HIVEP3: variants seen among roughly 807,000 people sequenced by gnomAD.
HIVEP3 encodes HIVEP zinc finger 3.
Under a neutral mutation model 152.8 loss-of-function variants are expected in HIVEP3, and 49 were observed. The ratio of observed to expected loss-of-function variants is 0.32; its 90% CI spans 0.26 to 0.41. HIVEP3 has a LOEUF of 0.41. Ranked by LOEUF, HIVEP3 falls within the 10% of genes least tolerant of loss-of-function variation. The pLI is 1.00. For synonymous variants in HIVEP3, 1,269 were observed against 1,289.0 expected (o/e 0.98, Z 0.33); for missense variants, 2,790 against 3,103.3 (o/e 0.90, Z 2.40).
At chr1:41,598,376 C>T (rs943296603) in intron 3 of HIVEP3, among the ~76,000 whole-genome samples, 4 of 152,182 alleles carry the variant, frequency 2.6e-5, no homozygotes, top group Non-Finnish European at 5.9e-5. Flanking sequence ...CTTGTGTCTA[C>T]TATGGAGAGC....
At chr1:42,007,352 T>G (rs1238118054) in intron 1 of HIVEP3, among the ~76,000 whole-genome samples, 1 of 152,232 alleles carries the variant, frequency 6.6e-6, no homozygotes. Flanking sequence ...TAAGACATTT[T>G]TGTTCGGTTG....
At chr1:42,005,526 G>C (rs1645454349) in intron 1 of HIVEP3, among the ~76,000 whole-genome samples, 1 of 152,106 alleles carries the variant, frequency 6.6e-6, no homozygotes, top group South Asian at 2.1e-4. Context: ...CATTTATTTT[G>C]TAAAGGCTCA....
chr1:41,598,365 T>A (rs1448801011), intron 3 of HIVEP3, among the ~76,000 whole-genome samples: 3 of 152,230 alleles, frequency 2.0e-5, no homozygotes, highest in Non-Finnish European at 4.4e-5. Context: ...TAGTTAAGGT[T>A]CTTGTGTCTA....
At chr1:41,758,709 C>A (rs969917662) in intron 1 of HIVEP3, among the ~76,000 whole-genome samples, 1 of 152,190 alleles carries the variant, frequency 6.6e-6, no homozygotes, top group African/African-American at 2.4e-5. Context: ...AAAGCCAAAA[C>A]AGCATCATGT....
intron 1 of HIVEP3, among the ~76,000 whole-genome samples, chr1:41,805,410 T>A (rs1650543776): frequency 6.6e-6 from 1 of 152,242 alleles, no homozygotes; most frequent in African/African-American, 2.4e-5. Flanking sequence ...CCACTTGGCC[T>A]GAGGCCTTTA....
intron 3 of HIVEP3, among the ~76,000 whole-genome samples, chr1:41,597,477 G>T (rs1055150983): frequency 1.3e-5 from 2 of 152,200 alleles, no homozygotes; most frequent in African/African-American, 4.8e-5. Context: ...GCTGTTCTTA[G>T]TATGTTACGC....
At chr1:41,746,471 A>G (rs1210022493) in intron 1 of HIVEP3, among the ~76,000 whole-genome samples, 1 of 152,192 alleles carries the variant, frequency 6.6e-6, no homozygotes, top group Non-Finnish European at 1.5e-5. Context: ...CCTTCCAATA[A>G]GAAGAATCTA....
rs111578293 is a variant in HIVEP3 at position 41,575,700 on chromosome 1, G to A, written c.5062-11C>T. 309 of 1,612,546 alleles carry A rather than the reference G, an allele frequency of 1.9e-4. No homozygotes were observed. Among genetic ancestry groups the A allele is most frequent in the African/African-American group, 6.9e-4 (52 of 74,978 alleles). Reference sequence around the variant, plus strand: ...TGAAGGGAGGTGAACCTGGCCCACCGCAGGAATGACAAAATCATTGCTGGT... The same window carrying A: ...TGAAGGGAGGTGAACCTGGCCCACCACAGGAATGACAAAATCATTGCTGGT... On this transcript the variant is annotated splice_polypyrimidine_tract_variant and intron_variant, in intron 4 of 8. Coordinates refer to ENST00000372583, the MANE Select transcript of HIVEP3 (RefSeq NM_024503.5).
chr1:41,564,370 G>A (rs1392018586), intron 5 of HIVEP3, among the ~76,000 whole-genome samples: 1 of 152,214 alleles, frequency 6.6e-6, no homozygotes, highest in African/African-American at 2.4e-5. Context: ...GTTCCAGAGA[G>A]AGAGAAGAAA....
chr1:41,867,885 C>T (rs958079131), intron 1 of HIVEP3, among the ~76,000 whole-genome samples: 1 of 152,162 alleles, frequency 6.6e-6, no homozygotes, highest in South Asian at 2.1e-4. Context: ...TAGAACACAG[C>T]CACAGCCTCC....
intron 5 of HIVEP3, among the ~76,000 whole-genome samples, chr1:41,549,942 C>A (rs1569868210): frequency 2.0e-5 from 3 of 152,272 alleles, no homozygotes; most frequent in African/African-American, 7.2e-5. Context: ...GACATGAAGT[C>A]CTTGCCCATG....
chr1:41,663,749 T>C (rs759342242), intron 2 of HIVEP3, among the ~76,000 whole-genome samples: 9 of 152,276 alleles, frequency 5.9e-5, no homozygotes, highest in Middle Eastern at 3.4e-3. Flanking sequence ...GCAGGTGTGA[T>C]TGCAGCTGGA....
chr1:41,786,559 C>G (rs1191753738), intron 1 of HIVEP3, among the ~76,000 whole-genome samples: 2 of 152,130 alleles, frequency 1.3e-5, no homozygotes, highest in Non-Finnish European at 2.9e-5. Context: ...GCAGATACAC[C>G]CATTCATTTA....
At chr1:41,563,817 C>T (rs982876637) in intron 5 of HIVEP3, among the ~76,000 whole-genome samples, 13 of 152,080 alleles carry the variant, frequency 8.5e-5, no homozygotes, top group Non-Finnish European at 1.3e-4. Context: ...TTAATAACAA[C>T]TAACGTTAAT....
chr1:41,917,911 G>C (rs1303948759), intron 1 of HIVEP3, among the ~76,000 whole-genome samples: 1 of 152,190 alleles, frequency 6.6e-6, no homozygotes, highest in Non-Finnish European at 1.5e-5. Context: ...TCTCAACCAA[G>C]CAGGCTACTG....
chr1:41,524,726 C>G lies in HIVEP3; in HGVS notation c.5383+9G>C, dbSNP rs1360024982. The stretch of plus-strand genomic sequence containing the variant: ...GGCAGGGGCAGTGCCCCAGCTGACT[C>G]TCTCTTACCTTTGGTTTTAAAAGCA... On this transcript the variant is annotated intron_variant, in intron 6 of 8. Coordinates refer to ENST00000372583, the MANE Select transcript of HIVEP3 (RefSeq NM_024503.5). 1 of 1,613,140 alleles carries G rather than the reference C, an allele frequency of 6.2e-7. No individual in the cohort carries two copies. Among genetic ancestry groups the G allele is most frequent in the Non-Finnish European group, 8.5e-7 (1 of 1,179,772 alleles).
chr1:41,916,672 C>T (rs913636135), intron 1 of HIVEP3, among the ~76,000 whole-genome samples: 4 of 152,184 alleles, frequency 2.6e-5, no homozygotes, highest in Non-Finnish European at 5.9e-5. Context: ...ATATGTCAAA[C>T]AGCTCAGACG....
intron 1 of HIVEP3, among the ~76,000 whole-genome samples, chr1:41,705,933 G>A (rs559306898): frequency 1.6e-4 from 24 of 152,218 alleles, no homozygotes; most frequent in Non-Finnish European, 3.2e-4. Flanking sequence ...TATATCAAGG[G>A]TTGATAGCCT....
chr1:41,544,944 A>ACCT lies in HIVEP3; in HGVS notation c.5208-20035_5208-20034insAGG, dbSNP rs1450777092. Among the ~76,000 whole-genome samples, 32 of 11,544 alleles carry ACCT rather than the reference A, an allele frequency of 2.8e-3. 13 individuals are homozygous for ACCT. Among genetic ancestry groups the ACCT allele is most frequent in the African/African-American group, 0.014 (21 of 1,456 alleles). The allele number at this position is 11,544 out of a possible 152,430, so 7.6% of individuals were successfully genotyped here. On this transcript the variant is annotated intron_variant, in intron 5 of 8. Coordinates refer to ENST00000372583, the MANE Select transcript of HIVEP3 (RefSeq NM_024503.5). ...TACCACCACCATCACCACCACCACC[A>ACCT]CTACCACCTCTACCATCACCACCAC...
Sources: allele counts gnomAD v4.1 joint callset (sites outside exome capture counted in the v4.1 genomes callset), GRCh38; gene constraint gnomAD v4.1.1; transcripts MANE v1.5; gene names NCBI Gene and HGNC (gene_info 2026-07-23, HGNC 2026-07-21).